RIMS2: variants seen among roughly 807,000 people sequenced by gnomAD.
RIMS2 encodes the protein regulating synaptic membrane exocytosis protein 2.
In RIMS2, 59 loss-of-function variants were observed where a neutral mutation model predicts 174.4. That is an observed-to-expected ratio of 0.34 (90% CI 0.27 to 0.42). The LOEUF is 0.42. Among genes scored for constraint, RIMS2 ranks in the 10% least tolerant of loss-of-function variants. RIMS2 has a pLI of 1.00. For missense variants in RIMS2, 1,620 were observed against 1,666.3 expected (o/e 0.97, Z 0.48); for synonymous variants, 606 against 572.5 (o/e 1.06, Z -0.84).
chr8:104,249,128 T>G (rs935507651), intron 21 of RIMS2, among the ~76,000 whole-genome samples: 1 of 151,660 alleles, frequency 6.6e-6, no homozygotes, highest in Non-Finnish European at 1.5e-5. Context: ...AGACAGGGCC[T>G]CATTGTGCTG....
At chr8:103,743,573 TATG>T (rs2097780725) in intron 2 of RIMS2, among the ~76,000 whole-genome samples, 1 of 152,194 alleles carries the variant, frequency 6.6e-6, no homozygotes, top group African/African-American at 2.4e-5. Flanking sequence ...ATTTATTACT[TATG>T]ATTTTATTGA....
At chr8:103,940,702 C>G (rs1222831525) in intron 13 of RIMS2, among the ~76,000 whole-genome samples, 1 of 151,894 alleles carries the variant, frequency 6.6e-6, no homozygotes. Context: ...GTGGCAAAAA[C>G]CTGTCTCTAC....
chr8:103,704,891 TAC>T (rs1036658885), intron 2 of RIMS2, among the ~76,000 whole-genome samples: 3 of 151,950 alleles, frequency 2.0e-5, no homozygotes, highest in African/African-American at 4.8e-5. Context: ...TAATTTTGTT[TAC>T]ATTTTCAAAA....
chr8:104,190,672 G>A (rs1255844369), intron 19 of RIMS2, among the ~76,000 whole-genome samples: 1 of 152,028 alleles, frequency 6.6e-6, no homozygotes, highest in East Asian at 1.9e-4. Flanking sequence ...CTGCATTGAT[G>A]TAGAGTGGGC....
intron 1 of RIMS2, among the ~76,000 whole-genome samples, chr8:103,590,831 G>T (rs1015140665): frequency 6.6e-6 from 1 of 151,024 alleles, no homozygotes; most frequent in Non-Finnish European, 1.5e-5. Context: ...AAATTTTTAG[G>T]ATATTTCCTA....
At chr8:104,173,738 C>T (rs1012335492) in intron 19 of RIMS2, among the ~76,000 whole-genome samples, 56 of 145,552 alleles carry the variant, frequency 3.8e-4, no homozygotes, top group African/African-American at 1.4e-3. Flanking sequence ...ACGCCATTCT[C>T]CTGCTTCAGC....
intron 19 of RIMS2, among the ~76,000 whole-genome samples, chr8:104,207,754 A>G (rs1372337694): frequency 6.6e-6 from 1 of 151,894 alleles, no homozygotes; most frequent in African/African-American, 2.4e-5. Context: ...CAGAGATTGC[A>G]GTGAGCCAAG....
At chr8:104,223,732 C>T in intron 19 of RIMS2, 3 of 1,594,186 alleles carry the variant, frequency 1.9e-6, no homozygotes, top group Non-Finnish European at 2.5e-6. Context: ...GCCTGTCTGC[C>T]TCCTTCGAGG....
chr8:103,884,226 A>G (rs959893264), intron 3 of RIMS2, among the ~76,000 whole-genome samples: 12 of 151,816 alleles, frequency 7.9e-5, no homozygotes, highest in African/African-American at 2.7e-4. Context: ...TTTTGGGCTA[A>G]GAAACCATTG....
intron 2 of RIMS2, among the ~76,000 whole-genome samples, chr8:103,753,807 A>C (rs907998698): frequency 6.6e-6 from 1 of 151,638 alleles, no homozygotes; most frequent in Non-Finnish European, 1.5e-5. Context: ...CGTCTATTTG[A>C]TTCTTCTCTG....
At chr8:103,890,638 T>C (rs1390255166) in intron 4 of RIMS2, among the ~76,000 whole-genome samples, 1 of 152,048 alleles carries the variant, frequency 6.6e-6, no homozygotes, top group Non-Finnish European at 1.5e-5. Context: ...TCCCATACTT[T>C]CTGTTCGGTT....
At chr8:103,870,619 T>C (rs938946023) in intron 3 of RIMS2, among the ~76,000 whole-genome samples, 1 of 152,104 alleles carries the variant, frequency 6.6e-6, no homozygotes, top group Non-Finnish European at 1.5e-5. Context: ...AAACTTTCTT[T>C]TTCCTCTATT....
intron 2 of RIMS2, among the ~76,000 whole-genome samples, chr8:103,740,400 G>C (rs963923957): frequency 4.6e-5 from 7 of 152,150 alleles, no homozygotes; most frequent in Admixed American, 3.3e-4. Context: ...GCCTTAGTAG[G>C]CAACGCCTGG....
At chr8:103,585,614 C>T (rs896287418) in intron 1 of RIMS2, among the ~76,000 whole-genome samples, 2 of 152,010 alleles carry the variant, frequency 1.3e-5, no homozygotes, top group Non-Finnish European at 2.9e-5. Flanking sequence ...CCACCATTCT[C>T]AGCAAATTAA....
chr8:103,984,462 A>G (rs1332434788), intron 16 of RIMS2, among the ~76,000 whole-genome samples: 1 of 152,238 alleles, frequency 6.6e-6, no homozygotes, highest in African/African-American at 2.4e-5. Flanking sequence ...GATTCTCAAC[A>G]TCATTGATCA....
chr8:104,138,441 A>G lies in RIMS2; in HGVS notation c.3335-106475A>G, dbSNP rs186067024. ...TTGCACATTCTCGCCAGCATTCATC[A>G]CCTCTTTTTTCGATAAAATCCATTT... On this transcript the variant is annotated intron_variant, in intron 19 of 23. Transcript: ENST00000504942. Among the ~76,000 whole-genome samples the G allele has an allele frequency of 2.2e-4, 33 of 151,860 alleles. No homozygotes were observed. In the East Asian group the frequency reaches 6.0e-3, roughly 28 times the overall value.
chr8:103,606,635 T>C (rs1237630384), intron 1 of RIMS2, among the ~76,000 whole-genome samples: 1 of 152,204 alleles, frequency 6.6e-6, no homozygotes, highest in African/African-American at 2.4e-5. Context: ...TGTGGGAGTC[T>C]AAGTCTCTTT....
At chr8:104,086,558 C>T (rs1226169169) in intron 19 of RIMS2, among the ~76,000 whole-genome samples, 5 of 152,084 alleles carry the variant, frequency 3.3e-5, no homozygotes, top group Admixed American at 1.3e-4. Context: ...TAATTGACTA[C>T]TGGCAATAAT....
At chr8:104,255,305 C>G (rs1330655111), downstream of RIMS2, 2 of 147,348 alleles carry the variant, frequency 1.4e-5, no homozygotes, top group Non-Finnish European at 3.0e-5. Flanking sequence ...TTTCCTTTAT[C>G]CCATATATAC....
Sources: allele counts gnomAD v4.1 joint callset (sites outside exome capture counted in the v4.1 genomes callset), GRCh38; gene constraint gnomAD v4.1.1; transcripts MANE v1.5; gene names NCBI Gene and HGNC (gene_info 2026-07-23, HGNC 2026-07-21).